STYX: variants seen among roughly 807,000 people sequenced by gnomAD.
STYX encodes serine/threonine/tyrosine interacting protein.
STYX carries 20 observed loss-of-function variants against 42.7 expected under a neutral mutation model. The observed-to-expected ratio is 0.47, with a 90% confidence interval of 0.33 to 0.68. The LOEUF is 0.68. STYX is among the 30% of genes least tolerant of loss of function. STYX has a pLI of 0.02. For missense variants in STYX, 226 were observed against 268.5 expected (o/e 0.84, Z 1.11); for synonymous variants, 78 against 81.9 (o/e 0.95, Z 0.26).
intron 8 of STYX, among the ~76,000 whole-genome samples, chr14:52,758,322 A>G (rs529491148): frequency 2.6e-5 from 4 of 152,308 alleles, no homozygotes; most frequent in Non-Finnish European, 4.4e-5. Flanking sequence ...CTTATCAAAA[A>G]TCATCTTTTC....
intron 9 of STYX, among the ~76,000 whole-genome samples, chr14:52,760,340 CAG>C (rs1882042032): frequency 1.3e-5 from 2 of 152,208 alleles, no homozygotes; most frequent in South Asian, 4.1e-4. Flanking sequence ...TTTGATCACA[CAG>C]AGCATAAGAC....
At chr14:52,734,407 AGGT>A (rs2139876075) in intron 1 of STYX, among the ~76,000 whole-genome samples, 1 of 152,142 alleles carries the variant, frequency 6.6e-6, no homozygotes, top group Non-Finnish European at 1.5e-5. Flanking sequence ...CCTCCCATAG[AGGT>A]GTGTGTGTGT....
At chr14:52,743,756 C>T (rs957644155) in intron 1 of STYX, among the ~76,000 whole-genome samples, 11 of 152,040 alleles carry the variant, frequency 7.2e-5, no homozygotes, top group African/African-American at 2.7e-4. Context: ...AATAATAATT[C>T]TGAGTTTTAA....
chr14:52,738,833 A>ACAC (rs1881066961), intron 1 of STYX, among the ~76,000 whole-genome samples: 2 of 152,318 alleles, frequency 1.3e-5, no homozygotes, highest in African/African-American at 4.8e-5. Flanking sequence ...AGTCAGCACC[A>ACAC]CACCCAGACA....
chr14:52,758,050 G>A (rs1370585076), intron 8 of STYX, 126 bp downstream of exon 8: 2 of 1,020,636 alleles, frequency 2.0e-6, no homozygotes, highest in Non-Finnish European at 2.9e-6. Flanking sequence ...TGTTTGATTA[G>A]GCAGGCCCTT....
intron 8 of STYX, among the ~76,000 whole-genome samples, chr14:52,758,613 A>G (rs990453669): frequency 5.3e-5 from 8 of 152,268 alleles, no homozygotes; most frequent in South Asian, 2.1e-4. Context: ...GTCTTGCTCT[A>G]TTGGCAGGCT....
intron 4 of STYX, among the ~76,000 whole-genome samples, chr14:52,753,081 C>T (rs1405625537): frequency 1.1e-4 from 14 of 125,300 alleles, no homozygotes; most frequent in African/African-American, 3.0e-4. Flanking sequence ...GACAGAGTTT[C>T]GCTCTGTTGC....
intron 4 of STYX, among the ~76,000 whole-genome samples, chr14:52,754,720 T>C (rs1355807491): frequency 6.6e-6 from 1 of 152,178 alleles, no homozygotes; most frequent in Non-Finnish European, 1.5e-5. Context: ...TATTTTAAAA[T>C]ATCAAACTAT....
chr14:52,757,633 G>T, intron 6 of STYX, 110 bp from the exon 7 acceptor site: 1 of 980,240 alleles, frequency 1.0e-6, no homozygotes, highest in East Asian at 2.4e-5. Flanking sequence ...AAGATTTGAA[G>T]ATATCCAAGT....
rs549855634 is a variant in STYX, at chr14:52,765,601, G to A, written c.505-3239G>A. ...AATTGATTTGTATCAGGAGAAGGTT[G>A]TCTAGATCAGCAGTCTCCAACCTTT... On this transcript the variant is annotated intron_variant, in intron 9 of 10. Coordinates refer to ENST00000354586, the MANE Select transcript of STYX (RefSeq NM_145251.4). Among the ~76,000 whole-genome samples, 4 of 152,306 alleles carry A rather than the reference G, an allele frequency of 2.6e-5. No homozygotes were observed. In the South Asian group the frequency reaches 8.3e-4, roughly 32 times the overall value.
At chr14:52,733,008 C>T (rs1240882269) in intron 1 of STYX, among the ~76,000 whole-genome samples, 1 of 152,162 alleles carries the variant, frequency 6.6e-6, no homozygotes, top group Non-Finnish European at 1.5e-5. Flanking sequence ...GTAATTTCAG[C>T]ACTTAACTGC....
At chr14:52,754,362 C>A (rs1881765051) in intron 4 of STYX, among the ~76,000 whole-genome samples, 2 of 151,404 alleles carry the variant, frequency 1.3e-5, no homozygotes, top group African/African-American at 4.9e-5. Context: ...ACAGGTGCAC[C>A]ACCGGATCGG....
chr14:52,731,064 A>C (rs541565698), intron 1 of STYX, among the ~76,000 whole-genome samples: 1 of 152,356 alleles, frequency 6.6e-6, no homozygotes, highest in South Asian at 2.1e-4. Flanking sequence ...TCTTAATCAG[A>C]AATCTTGACC....
chr14:52,737,124 A>T (rs992821716), intron 1 of STYX, among the ~76,000 whole-genome samples: 1 of 152,156 alleles, frequency 6.6e-6, no homozygotes, highest in African/African-American at 2.4e-5. Context: ...TGTATATAGG[A>T]TTCAGCACTA....
chr14:52,764,428 C>T (rs1335206221), intron 9 of STYX, among the ~76,000 whole-genome samples: 2 of 152,034 alleles, frequency 1.3e-5, no homozygotes, highest in East Asian at 1.9e-4. Flanking sequence ...AGATGCTTTT[C>T]CTCAGTGTAG....
chr14:52,746,388 T>G, intron 2 of STYX, 38 bp from the exon 3 acceptor site: 1 of 1,492,280 alleles, frequency 6.7e-7, no homozygotes, highest in Non-Finnish European at 9.1e-7. Flanking sequence ...TAGATTTAAA[T>G]TGCTGATGGT....
At chr14:52,759,008 A>C (rs775260167) in intron 8 of STYX, among the ~76,000 whole-genome samples, 27 of 152,176 alleles carry the variant, frequency 1.8e-4, no homozygotes, top group Non-Finnish European at 1.8e-4. Flanking sequence ...GGTCTCTGCT[A>C]TGAGCTCAGT....
chr14:52,737,004 T>G (rs1403479900), intron 1 of STYX, among the ~76,000 whole-genome samples: 2 of 152,210 alleles, frequency 1.3e-5, no homozygotes, highest in Non-Finnish European at 2.9e-5. Flanking sequence ...AACTTTTCTG[T>G]TTTGTGGAAT....
chr14:52,735,804 C>T (rs967002630), intron 1 of STYX, among the ~76,000 whole-genome samples: 2 of 152,152 alleles, frequency 1.3e-5, no homozygotes, highest in African/African-American at 4.8e-5. Flanking sequence ...GATTCTGTCA[C>T]CTCTACAAGA....
Sources: gnomAD v4.1 joint callset for allele counts (sites outside exome capture counted in the v4.1 genomes callset) on GRCh38, gnomAD v4.1.1 for gene constraint, MANE v1.5 for transcripts, NCBI Gene and HGNC (gene_info 2026-07-23, HGNC 2026-07-21) for gene names.